HEMK2: variants seen among roughly 807,000 people sequenced by gnomAD.
The protein encoded by HEMK2 is methyltransferase HEMK2.
chr21:28,601,604 ATCTC>A, the HEMK2 span, among the ~76,000 whole-genome samples: 5,373 of 126,710 alleles, frequency 0.042, 145 homozygotes, highest in African/African-American at 0.071. Context: ...ACCTTCTGAC[ATCTC>A]TCTCTCTCTC....
At chr21:28,856,099 G>C in the HEMK2 span, among the ~76,000 whole-genome samples, 5,366 of 152,000 alleles carry the variant, frequency 0.035, 120 homozygotes, top group Middle Eastern at 0.11. Context: ...TTATTTGTTG[G>C]GCACCTTTGG....
the HEMK2 span, among the ~76,000 whole-genome samples, chr21:28,823,489 T>C: frequency 6.6e-6 from 1 of 152,190 alleles, no homozygotes; most frequent in Non-Finnish European, 1.5e-5. Context: ...GTTGTTGTTG[T>C]TTAAAGTTTA....
At chr21:28,576,647 G>A in the HEMK2 span, among the ~76,000 whole-genome samples, 1 of 152,050 alleles carries the variant, frequency 6.6e-6, no homozygotes, top group African/African-American at 2.4e-5. Context: ...CCATGATTAT[G>A]AAGATGCACT....
the HEMK2 span, among the ~76,000 whole-genome samples, chr21:28,734,745 A>G: frequency 6.6e-6 from 1 of 152,332 alleles, no homozygotes; most frequent in South Asian, 2.1e-4. Flanking sequence ...ATCAGTTCCA[A>G]CCTTTCTAAA....
At chr21:28,741,485 T>A in the HEMK2 span, among the ~76,000 whole-genome samples, 1 of 152,180 alleles carries the variant, frequency 6.6e-6, no homozygotes, top group African/African-American at 2.4e-5. Flanking sequence ...GTACAGATTA[T>A]TTCATCACCC....
the HEMK2 span, among the ~76,000 whole-genome samples, chr21:28,678,990 T>C: frequency 6.6e-6 from 1 of 152,210 alleles, no homozygotes; most frequent in Non-Finnish European, 1.5e-5. Context: ...CATCAACTAA[T>C]GAGCAAAATA....
the HEMK2 span, among the ~76,000 whole-genome samples, chr21:28,783,551 A>G: frequency 6.6e-6 from 1 of 152,244 alleles, no homozygotes; most frequent in East Asian, 1.9e-4. Context: ...ACATAAGGCC[A>G]GGTAAGAAAT....
chr21:28,824,209 T>TTGC, the HEMK2 span, among the ~76,000 whole-genome samples: 1 of 152,224 alleles, frequency 6.6e-6, no homozygotes, highest in Non-Finnish European at 1.5e-5. Flanking sequence ...GTTGTTGTTG[T>TTGC]TGCTGCTGTT....
the HEMK2 span, among the ~76,000 whole-genome samples, chr21:28,660,423 G>T: frequency 6.6e-6 from 1 of 151,074 alleles, no homozygotes; most frequent in Non-Finnish European, 1.5e-5. Flanking sequence ...GAGGATTTGG[G>T]GTAACTCTTC....
chr21:28,832,013 A>AT, the HEMK2 span, among the ~76,000 whole-genome samples: 6 of 152,190 alleles, frequency 3.9e-5, 1 homozygote, highest in Admixed American at 3.3e-4. Flanking sequence ...AGAATTAACT[A>AT]TTTTTTTAAC....
At chr21:28,737,601 A>AAG in the HEMK2 span, among the ~76,000 whole-genome samples, 4 of 152,164 alleles carry the variant, frequency 2.6e-5, no homozygotes, top group African/African-American at 4.8e-5. Context: ...TTAAAAAAAA[A>AAG]AAGAAGAAGA....
the HEMK2 span, among the ~76,000 whole-genome samples, chr21:28,757,704 A>G: frequency 6.6e-6 from 1 of 152,222 alleles, no homozygotes. Flanking sequence ...GGCCAGAAGA[A>G]AGAATTGAGT....
the HEMK2 span, among the ~76,000 whole-genome samples, chr21:28,730,239 G>T: frequency 6.6e-6 from 1 of 151,780 alleles, no homozygotes; most frequent in Non-Finnish European, 1.5e-5. Flanking sequence ...TAATTAGCCA[G>T]GTACGGTGGG....
the HEMK2 span, among the ~76,000 whole-genome samples, chr21:28,776,901 T>C: frequency 1.3e-5 from 2 of 152,198 alleles, no homozygotes. Flanking sequence ...CCTCCCAGAT[T>C]GAGGGTGGGC....
At chr21:28,703,982 C>A in the HEMK2 span, among the ~76,000 whole-genome samples, 1 of 152,142 alleles carries the variant, frequency 6.6e-6, no homozygotes, top group Non-Finnish European at 1.5e-5. Flanking sequence ...ATGGTTAATG[C>A]TAATTAATAT....
At chr21:28,746,897 G>A in the HEMK2 span, among the ~76,000 whole-genome samples, 1 of 152,174 alleles carries the variant, frequency 6.6e-6, no homozygotes, top group African/African-American at 2.4e-5. Context: ...GTGCAATGAG[G>A]TTTTTTACCA....
the HEMK2 span, among the ~76,000 whole-genome samples, chr21:28,853,818 C>G: frequency 6.6e-6 from 1 of 152,208 alleles, no homozygotes; most frequent in Non-Finnish European, 1.5e-5. Flanking sequence ...TTTACACGCT[C>G]AATGTCCCCA....
At chr21:28,597,694 G>T in the HEMK2 span, among the ~76,000 whole-genome samples, 1 of 152,180 alleles carries the variant, frequency 6.6e-6, no homozygotes, top group African/African-American at 2.4e-5. Context: ...TTATCAGAAA[G>T]AAGAGAAGTA....
the HEMK2 span, among the ~76,000 whole-genome samples, chr21:28,831,834 C>T: frequency 1.3e-5 from 2 of 152,050 alleles, no homozygotes; most frequent in Non-Finnish European, 2.9e-5. Context: ...TATTGTCACA[C>T]TCATGTTCCA....
Sources: gnomAD v4.1 joint callset for allele counts (sites outside exome capture counted in the v4.1 genomes callset) on GRCh38, gnomAD v4.1.1 for gene constraint, MANE v1.5 for transcripts, NCBI Gene and HGNC (gene_info 2026-07-23, HGNC 2026-07-21) for gene names.